Variants in NPHS1 observed in about 807,000 individuals in gnomAD.
NPHS1 encodes the protein nephrin.
NPHS1 carries 107 observed loss-of-function variants against 139.7 expected under a neutral mutation model. That is an observed-to-expected ratio of 0.77 (90% CI 0.66 to 0.90). The LOEUF is 0.90. Among genes scored for constraint, NPHS1 ranks in the 40% least tolerant of loss-of-function variants. NPHS1 has a pLI of 0.00. For synonymous variants in NPHS1, 707 were observed against 706.6 expected, an observed-to-expected ratio of 1.00 and a Z score of -0.01; for missense variants, 1,580 against 1,654.2, an observed-to-expected ratio of 0.96 and a Z score of 0.78.
chr19:35,848,579 C>G (rs1364318274), intron 9 of NPHS1, 58 bp downstream of exon 9: 2 of 1,604,856 alleles, frequency 1.2e-6, no homozygotes, highest in South Asian at 1.1e-5. Context: ...TCCCTATCCA[C>G]GAGTCATGCC....
At position 35,845,398 on chromosome 19, in the gene NPHS1, C is replaced by T. The variant is rs967680752; in HGVS notation, c.1900G>A (p.Val634Met). 1.2e-6 allele frequency: 2 copies of T among 1,614,248 alleles called. No homozygotes were observed. The highest frequency in any genetic ancestry group is 1.7e-5 in the Admixed American group (1 of 60,034). ...ACGTTGAGGCGATAGAAGGAGCTCACGGTTTCGCGGAGCTCGGCGCTGTGG... is the reference window on the plus strand; with the variant it reads ...ACGTTGAGGCGATAGAAGGAGCTCATGGTTTCGCGGAGCTCGGCGCTGTGG... Reference protein sequence around the residue: ...RAHSAELRETVSSFYRLNVLY... With the variant: ...RAHSAELRETMSSFYRLNVLY... The change falls in exon 14 of 29, where the codon GTG (valine) becomes ATG (methionine). Residue 634 changes from valine to methionine, a missense_variant. Coordinates refer to ENST00000378910, the MANE Select transcript of NPHS1 (RefSeq NM_004646.4). This position sits in a 1 kb window ranked among gnomAD's most constrained non-coding sequence, Gnocchi z 5.5.
At position 35,839,431 on chromosome 19, in the gene NPHS1, G is replaced by A. The variant is rs749392048; in HGVS notation, c.2928-13C>T. The A allele has an allele frequency of 2.5e-6, 4 of 1,614,082 alleles. No homozygotes were observed. The highest frequency in any genetic ancestry group is 2.5e-6 in the Non-Finnish European group (3 of 1,179,962). ...CAGGGCCTCATACCTGCAGGACAGG[G>A]GGATAGTAAATTCAGGGAAGTGCCC... On this transcript the variant is annotated splice_polypyrimidine_tract_variant and intron_variant, in intron 21 of 28. Coordinates refer to ENST00000378910, the MANE Select transcript of NPHS1 (RefSeq NM_004646.4).
chr19:35,846,008 A>G lies in NPHS1; in HGVS notation c.1627T>C (p.Phe543Leu). 6.4e-7 allele frequency: 1 copy of G among 1,570,880 alleles called. No homozygotes were observed. Among genetic ancestry groups the G allele is most frequent in the Non-Finnish European group, 8.6e-7 (1 of 1,158,944 alleles). The change falls in exon 12 of 29, where the codon TTT becomes CTT. Residue 543 changes from phenylalanine (F) to leucine (L), a missense_variant and splice_region_variant. By Grantham distance (22) the Phe-to-Leu change is conservative (BLOSUM62 0). Transcript: ENST00000378910. ...LSASTQLAVQFPPTNVTILAN... is the reference protein window; with the variant it reads ...LSASTQLAVQLPPTNVTILAN... Reference sequence around the variant, plus strand: ...GGGCCTCAGCAGTGCGAGCCCTCACACTGCACCGCCAGCTGCGTGGACGCG... The same window carrying G: ...GGGCCTCAGCAGTGCGAGCCCTCACGCTGCACCGCCAGCTGCGTGGACGCG...
In NPHS1 at chr19:35,850,375, C is replaced by T. The variant is rs61731102; in HGVS notation, c.597G>A (p.Glu199=). The change falls in exon 5 of 29, where the codon GAG becomes GAA. Residue 199 remains glutamate, a synonymous_variant. Transcript: ENST00000378910. ...EGSQQKLFTV[E]ATARVTPRSS... The stretch of plus-strand genomic sequence containing the variant: ...TTCAGTTTCCACACCTGGCTGTGGC[C>T]TCCACAGTGAAGAGTTTCTGCTGGG... 327 of 1,613,810 alleles carry T rather than the reference C, an allele frequency of 2.0e-4. No homozygotes were observed. In the African/African-American group the frequency reaches 3.6e-3, roughly 18 times the overall value.
Position 35,825,749 on chromosome 19 carries a change from G to A in NPHS1, c.*765C>T, listed in dbSNP as rs1342655151. Among the ~76,000 whole-genome samples the A allele has an allele frequency of 6.6e-6, 1 of 152,082 alleles. No homozygotes were observed. Among genetic ancestry groups the A allele is most frequent in the Non-Finnish European group, 1.5e-5 (1 of 68,028 alleles). On this transcript the variant is annotated 3_prime_UTR_variant, in exon 29 of 29. Transcript: ENST00000378910. ...ATGTGTCATAGTTTATGCCTCCTGT[G>A]TTAGATAACTGTCGGAAATAATAAA...
Position 35,849,297 on chromosome 19 carries a change from C to T in NPHS1, c.779G>A (p.Ser260Asn). ...LDEGHVRAGQ[S>N]LELPCVARGG... ...TCGGGCCACGCACGGCAGCTCCAAG[C>T]TCTGTCCTGCCCGCACGTGCCCCTC... The change falls in exon 7 of 29, where the codon AGC becomes AAC. Residue 260 changes from serine (S) to asparagine (N), a missense_variant. By Grantham distance (46) the Ser-to-Asn change is conservative. Coordinates refer to ENST00000378910, the MANE Select transcript of NPHS1 (RefSeq NM_004646.4). 1 of 1,613,318 alleles carries T rather than the reference C, an allele frequency of 6.2e-7. No individual in the cohort carries two copies. Among genetic ancestry groups the T allele is most frequent in the Non-Finnish European group, 8.5e-7 (1 of 1,180,020 alleles).
At chr19:35,840,579 C>A (rs893837069) in intron 20 of NPHS1, among the ~76,000 whole-genome samples, 2 of 152,094 alleles carry the variant, frequency 1.3e-5, no homozygotes, top group Admixed American at 6.6e-5. Flanking sequence ...CGTGATCCAC[C>A]CGCCTCGGCC....
At chr19:35,831,397 A>G in intron 25 of NPHS1, 26 bp from the exon 26 acceptor site, 3 of 1,613,476 alleles carry the variant, frequency 1.9e-6, no homozygotes, top group South Asian at 2.2e-5. Flanking sequence ...TGTGGGGGGA[A>G]GTTGAGTGCT....
At position 35,845,703 on chromosome 19, in the gene NPHS1, G is replaced by A; in HGVS notation, c.1723C>T (p.Pro575Ser). The stretch of plus-strand genomic sequence containing the variant: ...TCCTTGTCCCAGGACAAGTTGACCG[G>A]CGGATTGCTGCTGACGCTGACGCAT... ...LTCVSVSSNP[P>S]VNLSWDKEGE... Residue 575 changes from proline (P) to serine (S), a missense_variant, in exon 13 of 29, where the codon CCG (proline) becomes TCG (serine). By Grantham distance (74) the Pro-to-Ser change is moderately conservative. Transcript: ENST00000378910. The surrounding 1 kb of genome is among the most constrained non-coding windows in gnomAD (Gnocchi z 5.5). The A allele has an allele frequency of 6.2e-7, 1 of 1,614,080 alleles. No individual in the cohort carries two copies. The highest frequency in any genetic ancestry group is 1.1e-5 in the South Asian group (1 of 91,048).
In NPHS1 at chr19:35,845,660, C is replaced by T; in HGVS notation, c.1757+9G>A. 2 of 1,612,966 alleles carry T rather than the reference C, an allele frequency of 1.2e-6. No individual in the cohort carries two copies. The highest frequency in any genetic ancestry group is 1.7e-6 in the Non-Finnish European group (2 of 1,179,512). The stretch of plus-strand genomic sequence containing the variant: ...GACCAGAGAGGGGAGGGATCCCTCG[C>T]ACTCCCACCTCTCCCCTTCCTTGTC... On this transcript the variant is annotated intron_variant, in intron 13 of 28. Transcript: ENST00000378910. This position sits in a 1 kb window ranked among gnomAD's most constrained non-coding sequence, Gnocchi z 5.5.
chr19:35,841,372 T>TCAACAA lies in NPHS1; in HGVS notation c.2815+337_2815+342dup, dbSNP rs150955536. Among the ~76,000 whole-genome samples, 268 of 151,402 alleles carry TCAACAA rather than the reference T, an allele frequency of 1.8e-3. 1 individual carries two copies. Among genetic ancestry groups the TCAACAA allele is most frequent in the African/African-American group, 5.0e-3 (206 of 41,172 alleles). ...TGGGTGACAAGAGTGAATCTCCATT[T>TCAACAA]CAACAACAACAACAACAACAACAAC... On this transcript the variant is annotated intron_variant, in intron 20 of 28. Transcript: ENST00000378910.
chr19:35,845,609 G>A lies in NPHS1; in HGVS notation c.1757+60C>T, dbSNP rs1398164392. ...GCTGGAGAGGCACTAGGCGGGGGCG[G>A]GACATGCGTGGAGGGGGCGAGGCCA... On this transcript the variant is annotated intron_variant, in intron 13 of 28. Coordinates refer to ENST00000378910, the MANE Select transcript of NPHS1 (RefSeq NM_004646.4). This position sits in a 1 kb window ranked among gnomAD's most constrained non-coding sequence, Gnocchi z 5.5. The A allele has an allele frequency of 5.6e-6, 9 of 1,605,918 alleles. No individual in the cohort carries two copies. Among genetic ancestry groups the A allele is most frequent in the East Asian group, 2.2e-5 (1 of 44,546 alleles).
At chr19:35,836,600 G>C (rs1972965086) in intron 22 of NPHS1, among the ~76,000 whole-genome samples, 1 of 152,126 alleles carries the variant, frequency 6.6e-6, no homozygotes, top group Non-Finnish European at 1.5e-5. Flanking sequence ...GGGAAGACTG[G>C]AGTGGGGTGG....
intron 23 of NPHS1, among the ~76,000 whole-genome samples, chr19:35,835,142 G>C (rs1972938671): frequency 7.2e-6 from 1 of 138,190 alleles, no homozygotes; most frequent in African/African-American, 2.7e-5. Flanking sequence ...GGAGGTTGCA[G>C]TGAGCCAAGA....
At chr19:35,837,947 A>AAAAC (rs1555761306) in intron 22 of NPHS1, among the ~76,000 whole-genome samples, 15 of 151,288 alleles carry the variant, frequency 9.9e-5, no homozygotes, top group African/African-American at 3.6e-4. Context: ...TTAAAAAAAA[A>AAAAC]AAAAAAAAAA....
In NPHS1 at chr19:35,851,372, A is replaced by C; in HGVS notation, c.287T>G (p.Leu96Arg). ...EGDPARGEFH[L>R]HIEACDLSDD... is the part of the protein sequence containing the mutation. ...GCTGAGGTCACAGGCCTCGATGTGC[A>C]GGTGGAATTCACCTGCAGGGGGAGC... Residue 96 changes from leucine to arginine, a missense_variant, in exon 3 of 29, where the codon CTG becomes CGG. Physicochemically the swap from Leu to Arg is moderately radical, Grantham distance 102. Transcript: ENST00000378910. 2 of 1,613,258 alleles carry C rather than the reference A, an allele frequency of 1.2e-6. No homozygotes were observed. Among genetic ancestry groups the C allele is most frequent in the Admixed American group, 1.7e-5 (1 of 59,858 alleles).
chr19:35,836,462 T>C (rs1361939512), intron 22 of NPHS1, among the ~76,000 whole-genome samples: 2 of 152,006 alleles, frequency 1.3e-5, no homozygotes, highest in Non-Finnish European at 2.9e-5. Context: ...GTGTGCAAGG[T>C]CCTTTTCACC....
chr19:35,828,541 G>C (rs890349047), intron 28 of NPHS1, among the ~76,000 whole-genome samples: 4 of 152,198 alleles, frequency 2.6e-5, no homozygotes, highest in African/African-American at 9.6e-5. Flanking sequence ...TGGGATTATA[G>C]GCATGAGCCA....
chr19:35,839,245 G>C lies in NPHS1; in HGVS notation c.3101C>G (p.Thr1034Ser). 6.2e-7 allele frequency: 1 copy of C among 1,614,152 alleles called. No homozygotes were observed. Among genetic ancestry groups the C allele is most frequent in the Non-Finnish European group, 8.5e-7 (1 of 1,179,988 alleles). Residue 1034 changes from threonine to serine, a missense_variant, in exon 22 of 29, where the codon ACT becomes AGT. Physicochemically the swap from Thr to Ser is moderately conservative, Grantham distance 58. Transcript: ENST00000378910. ...CAAGCCTCCCTTCCCACCTGGGGTA[G>C]TGATGGGAAGCTGGGTCCCTTTGTC... ...LADKGTQLPITTPGLHQPSGE... is the reference protein window; with the variant it reads ...LADKGTQLPISTPGLHQPSGE...
Sources: allele counts gnomAD v4.1 joint callset (sites outside exome capture counted in the v4.1 genomes callset), GRCh38; gene constraint gnomAD v4.1.1; non-coding constraint Gnocchi (gnomAD v3.1); transcripts MANE v1.5; gene names NCBI Gene and HGNC (gene_info 2026-07-23, HGNC 2026-07-21).